Variants in SPTLC2 observed in about 807,000 individuals in gnomAD.
SPTLC2 encodes serine palmitoyltransferase 2.
In SPTLC2, 21 loss-of-function variants were observed where a neutral mutation model predicts 62.0. The ratio of observed to expected loss-of-function variants is 0.34; its 90% CI spans 0.24 to 0.49. The LOEUF (loss-of-function observed/expected upper bound fraction) is 0.49, where lower values mean the gene tolerates loss of function less well. Among genes scored for constraint, SPTLC2 ranks in the 20% least tolerant of loss-of-function variants. The pLI is 0.99. For missense variants in SPTLC2, 511 were observed against 713.0 expected (o/e 0.72, Z 3.23); for synonymous variants, 261 against 261.8 (o/e 1.00, Z 0.03).
chr14:77,519,073 C>T (rs1290557491), intron 10 of SPTLC2, among the ~76,000 whole-genome samples: 2 of 152,116 alleles, frequency 1.3e-5, no homozygotes, highest in Admixed American at 1.3e-4. Context: ...GAGTCTCTCG[C>T]TTTGTCGCCA....
chr14:77,592,345 G>A (rs901131531), intron 2 of SPTLC2, among the ~76,000 whole-genome samples: 1 of 151,652 alleles, frequency 6.6e-6, no homozygotes, highest in African/African-American at 2.4e-5. Context: ...ACGTTGGCCA[G>A]GCTGGTCTTG....
At chr14:77,555,839 G>A (rs1008767681) in intron 7 of SPTLC2, among the ~76,000 whole-genome samples, 7 of 151,888 alleles carry the variant, frequency 4.6e-5, no homozygotes, top group East Asian at 1.9e-4. Flanking sequence ...GGCTAGTCTC[G>A]AACTCCTGGC....
intron 9 of SPTLC2, among the ~76,000 whole-genome samples, chr14:77,539,483 CTTTTT>C (rs71128638): frequency 8.4e-4 from 45 of 53,468 alleles, no homozygotes; most frequent in Non-Finnish European, 1.2e-3. Context: ...TCTTAAGAGG[CTTTTT>C]TTTTTTTTTT....
chr14:77,537,753 C>T (rs4903601), intron 9 of SPTLC2, among the ~76,000 whole-genome samples: 146,261 of 152,284 alleles, frequency 0.96, 70,529 homozygotes, highest in East Asian at 1. Context: ...CTCAGCTTCC[C>T]CCTTTTGTAA....
At chr14:77,607,238 C>A (rs2079910273) in intron 1 of SPTLC2, among the ~76,000 whole-genome samples, 1 of 152,206 alleles carries the variant, frequency 6.6e-6, no homozygotes, top group South Asian at 2.1e-4. Context: ...GCTGTCTCTT[C>A]CTCCTCATTT....
intron 5 of SPTLC2, among the ~76,000 whole-genome samples, chr14:77,564,232 G>A (rs1163352366): frequency 3.7e-5 from 3 of 80,882 alleles, no homozygotes; most frequent in Non-Finnish European, 5.4e-5. Flanking sequence ...ACTCTGTCTG[G>A]GGGGAAAAAA....
rs1224153585 is a variant in SPTLC2, at chr14:77,518,125, A to G, written c.1482T>C (p.Val494=). Residue 494 remains valine (V), a synonymous_variant, in exon 11 of 12, where the codon GTT becomes GTC. Transcript: ENST00000216484. ...REMLKRNIGV[V]VVGFPATPII... ...TTGGGGTGGCAGGAAATCCAACCAC[A>G]ACGACACCGATGTTCCGCTTCAGCA... 1 of 1,614,050 alleles carries G rather than the reference A, an allele frequency of 6.2e-7. No homozygotes were observed. Among genetic ancestry groups the G allele is most frequent in the African/African-American group, 1.3e-5 (1 of 74,926 alleles).
At chr14:77,529,250 CTTCTTTTTT>C (rs1227371752) in intron 9 of SPTLC2, among the ~76,000 whole-genome samples, 1 of 107,408 alleles carries the variant, frequency 9.3e-6, no homozygotes, top group African/African-American at 4.3e-5. Context: ...TTGAAAACTT[CTTCTTTTTT>C]TTTTTTTTTT....
intron 10 of SPTLC2, among the ~76,000 whole-genome samples, chr14:77,521,153 C>A (rs541706808): frequency 1.3e-5 from 2 of 152,338 alleles, no homozygotes; most frequent in South Asian, 4.1e-4. Flanking sequence ...GTCTGTCTGA[C>A]TGTTGCCCCC....
intron 1 of SPTLC2, among the ~76,000 whole-genome samples, chr14:77,613,264 A>C (rs572084441): frequency 6.6e-6 from 1 of 152,376 alleles, no homozygotes; most frequent in Non-Finnish European, 1.5e-5. Flanking sequence ...TGATTTTAAT[A>C]AACTCCTACA....
intron 5 of SPTLC2, among the ~76,000 whole-genome samples, chr14:77,564,563 C>T (rs2079634518): frequency 6.6e-6 from 1 of 151,874 alleles, no homozygotes; most frequent in Admixed American, 6.6e-5. Flanking sequence ...AGTTCCCAGA[C>T]CTTGGTTTCT....
chr14:77,546,769 CTT>C (rs929019481), intron 9 of SPTLC2, among the ~76,000 whole-genome samples: 69 of 150,716 alleles, frequency 4.6e-4, no homozygotes, highest in Non-Finnish European at 2.2e-4. Context: ...GAGTTTCGCT[CTT>C]GTTGCCCAGG....
chr14:77,569,731 TCTCA>T (rs1238029934), intron 5 of SPTLC2, among the ~76,000 whole-genome samples: 1 of 146,568 alleles, frequency 6.8e-6, no homozygotes, highest in East Asian at 1.9e-4. Flanking sequence ...GATTGTGCCC[TCTCA>T]CACACACTAC....
At chr14:77,515,542 C>CTTTTTT (rs71128633) in intron 11 of SPTLC2, among the ~76,000 whole-genome samples, 25 of 124,724 alleles carry the variant, frequency 2.0e-4, no homozygotes, top group African/African-American at 3.1e-4. Context: ...AAGGGAAAGG[C>CTTTTTT]TTTTTTTTTT....
intron 5 of SPTLC2, among the ~76,000 whole-genome samples, chr14:77,567,175 T>C (rs561319303): frequency 2.0e-5 from 3 of 151,978 alleles, no homozygotes; most frequent in South Asian, 2.1e-4. Flanking sequence ...TTTCATCCTG[T>C]TAGCCAGGAT....
chr14:77,516,956 T>C (rs956127003), intron 11 of SPTLC2, among the ~76,000 whole-genome samples: 3 of 152,246 alleles, frequency 2.0e-5, no homozygotes, highest in African/African-American at 4.8e-5. Context: ...TTCTTTAGGA[T>C]TAGTAGCTCT....
In SPTLC2 at chr14:77,562,467, T is replaced by C. The variant is rs1262969622; in HGVS notation, c.779A>G (p.Glu260Gly). ...VGKGCLILSDELNHASLVLGA... is the reference protein window; with the variant it reads ...VGKGCLILSDGLNHASLVLGA... ...CAGAACCAGTGATGCATGATTCAGT[T>C]CATCACTCAGAATCAGGCAACCCTG... The change falls in exon 6 of 12, where the codon GAA becomes GGA. Residue 260 changes from glutamate (E) to glycine (G), a missense_variant. Coordinates refer to ENST00000216484, the MANE Select transcript of SPTLC2 (RefSeq NM_004863.4). The C allele has an allele frequency of 6.2e-7, 1 of 1,614,046 alleles. No individual in the cohort carries two copies.
chr14:77,566,148 C>T (rs2079643748), intron 5 of SPTLC2, among the ~76,000 whole-genome samples: 1 of 151,998 alleles, frequency 6.6e-6, no homozygotes, highest in Non-Finnish European at 1.5e-5. Context: ...GCATTATGTT[C>T]TTTTTTTCTG....
chr14:77,566,672 G>A (rs1180085788), intron 5 of SPTLC2, among the ~76,000 whole-genome samples: 1 of 152,156 alleles, frequency 6.6e-6, no homozygotes, highest in Non-Finnish European at 1.5e-5. Flanking sequence ...GTGTTAGCCA[G>A]GATGGTCTCG....
Sources: allele counts gnomAD v4.1 joint callset (sites outside exome capture counted in the v4.1 genomes callset), GRCh38; gene constraint gnomAD v4.1.1; transcripts MANE v1.5; gene names NCBI Gene and HGNC (gene_info 2026-07-23, HGNC 2026-07-21).